The following KLHL6 variants were observed in gnomAD, a reference collection of about 807,000 sequenced individuals.
KLHL6 encodes the protein kelch-like protein 6.
Under a neutral mutation model 58.6 loss-of-function variants are expected in KLHL6, and 41 were observed. That is an observed-to-expected ratio of 0.70 (90% CI 0.55 to 0.91). KLHL6 has a LOEUF of 0.91. Among genes scored for constraint, KLHL6 ranks in the 40% least tolerant of loss-of-function variants. The probability of loss-of-function intolerance (pLI) is 0.00; values close to 1 mark genes in which losing one functional copy is unlikely to be tolerated. For missense variants in KLHL6, 714 were observed against 805.6 expected (o/e 0.89, Z 1.38); for synonymous variants, 338 against 322.7 (o/e 1.05, Z -0.51).
At chr3:183,500,389 G>A (rs1717838476) in intron 3 of KLHL6, among the ~76,000 whole-genome samples, 1 of 152,178 alleles carries the variant, frequency 6.6e-6, no homozygotes, top group African/African-American at 2.4e-5. Flanking sequence ...CCAACATACA[G>A]CATATGACCT....
chr3:183,511,956 C>T (rs1718200624), intron 2 of KLHL6, among the ~76,000 whole-genome samples: 1 of 152,230 alleles, frequency 6.6e-6, no homozygotes. Flanking sequence ...GGCCTGAATT[C>T]TGCCTCAGAA....
At chr3:183,498,111 G>A (rs139410760) in intron 4 of KLHL6, among the ~76,000 whole-genome samples, 21 of 152,226 alleles carry the variant, frequency 1.4e-4, no homozygotes, top group Non-Finnish European at 2.6e-4. Flanking sequence ...CCACGTGCCT[G>A]TAATCCCAGC....
intron 4 of KLHL6, among the ~76,000 whole-genome samples, chr3:183,498,679 A>G (rs1271477632): frequency 6.6e-6 from 1 of 152,220 alleles, no homozygotes; most frequent in Non-Finnish European, 1.5e-5. Context: ...GATGGTTGAG[A>G]CTGCGTCATT....
intron 5 of KLHL6, chr3:183,493,821 C>T (rs2108663205): frequency 2.0e-6 from 1 of 501,304 alleles, no homozygotes; most frequent in Non-Finnish European, 3.6e-6. Flanking sequence ...CCTCTGTGCA[C>T]ATCTGGGGTT....
At chr3:183,534,950 A>ATATATATATTT (rs1356557331) in intron 1 of KLHL6, among the ~76,000 whole-genome samples, 3 of 96,756 alleles carry the variant, frequency 3.1e-5, no homozygotes, top group African/African-American at 9.1e-5. Context: ...ATATATATAT[A>ATATATATATTT]TTTTTTTTTT....
In KLHL6 at chr3:183,508,599, G is replaced by A. The variant is rs534564098; in HGVS notation, c.460-91C>T. The A allele has an allele frequency of 2.3e-4, 250 of 1,077,620 alleles. 3 individuals carry two copies. The South Asian group carries it at 2.6e-3, about 11-fold the overall frequency. 66.8% of individuals were successfully genotyped at this position (1,077,620 alleles called of 1,614,324 possible). A position where few individuals can be genotyped will look rare whatever the true frequency, so the allele number is the denominator to read the frequency against. On this transcript the variant is annotated intron_variant, in intron 2 of 6. Transcript: ENST00000341319. The stretch of plus-strand genomic sequence containing the variant: ...GAGTTATGTGTATTAGCCAAAAATT[G>A]GAAACAACCTAAATGTCCAACAGTA...
At chr3:183,538,385 T>C (rs1196669479) in intron 1 of KLHL6, among the ~76,000 whole-genome samples, 10 of 152,126 alleles carry the variant, frequency 6.6e-5, no homozygotes, top group Admixed American at 2.0e-4. Context: ...CTACACCGGC[T>C]CCACCTGTCT....
chr3:183,522,564 T>C (rs910540118), intron 2 of KLHL6: 1 of 152,268 alleles, frequency 6.6e-6, no homozygotes, highest in Non-Finnish European at 1.5e-5. Flanking sequence ...TGGTGTTGAA[T>C]AGATATAATC....
intron 1 of KLHL6, among the ~76,000 whole-genome samples, chr3:183,534,933 CATATATATATATATAT>C (rs377650262): frequency 3.6e-5 from 5 of 137,854 alleles, no homozygotes; most frequent in Admixed American, 1.4e-4. Flanking sequence ...CATATATATA[CATATATATATATATAT>C]ATTTTTTTTT....
At position 183,490,200 on chromosome 3, in the gene KLHL6, A is replaced by G; in HGVS notation, c.*1727T>C. ...ATTGAGCTACACTGATCAAAAAACC[A>G]AGTAGAAGTGCTTTTTAAAAGTCTT... On this transcript the variant is annotated 3_prime_UTR_variant, in exon 7 of 7. Transcript: ENST00000341319. 6.6e-6 allele frequency: 1 copy of G among 152,168 alleles called. No individual in the cohort carries two copies. Among genetic ancestry groups the G allele is most frequent in the South Asian group, 2.1e-4 (1 of 4,822 alleles). The allele number at this position is 152,168 out of a possible 1,614,324, so 9.4% of individuals were successfully genotyped here.
At chr3:183,539,567 GGTGT>G (rs1560109005) in intron 1 of KLHL6, among the ~76,000 whole-genome samples, 4 of 151,962 alleles carry the variant, frequency 2.6e-5, no homozygotes, top group African/African-American at 9.7e-5. Context: ...AAATTAGCTC[GGTGT>G]GGTGGCGGGT....
chr3:183,530,476 A>T (rs1577195814), intron 1 of KLHL6, among the ~76,000 whole-genome samples: 1 of 152,222 alleles, frequency 6.6e-6, no homozygotes, highest in East Asian at 1.9e-4. Flanking sequence ...AGCTGCGGAT[A>T]CGTCTGAGCA....
At chr3:183,508,839 C>G (rs569249065) in intron 2 of KLHL6, among the ~76,000 whole-genome samples, 1 of 152,294 alleles carries the variant, frequency 6.6e-6, no homozygotes, top group East Asian at 1.9e-4. Flanking sequence ...TTCATTCATA[C>G]AGTCGATAGC....
At chr3:183,512,315 A>G (rs1001864077) in intron 2 of KLHL6, among the ~76,000 whole-genome samples, 6 of 152,240 alleles carry the variant, frequency 3.9e-5, no homozygotes, top group African/African-American at 1.4e-4. Context: ...GGGAGGCCAC[A>G]TAAGACCTGA....
chr3:183,514,777 T>C (rs956938984), intron 2 of KLHL6, among the ~76,000 whole-genome samples: 15 of 152,002 alleles, frequency 9.9e-5, no homozygotes, highest in African/African-American at 3.4e-4. Context: ...CAAGTGATTC[T>C]CCTGCCTCAG....
chr3:183,504,004 G>T (rs191932896), intron 3 of KLHL6, among the ~76,000 whole-genome samples: 1 of 152,278 alleles, frequency 6.6e-6, no homozygotes, highest in South Asian at 2.1e-4. Context: ...ATGGTGGCTG[G>T]TTGGTTGGTT....
rs1553811030 is a variant in KLHL6, at chr3:183,525,269, A to AACACACACACACAC, written c.459+2562_459+2575dup. Among the ~76,000 whole-genome samples the AACACACACACACAC allele has an allele frequency of 4.5e-5, 6 of 133,794 alleles. 1 individual carries two copies. The highest frequency in any genetic ancestry group is 2.4e-4 in the South Asian group (1 of 4,120). The allele number at this position is 133,794 out of a possible 152,430, so 87.8% of individuals were successfully genotyped here. On this transcript the variant is annotated intron_variant, in intron 2 of 6. Transcript: ENST00000341319. ...ACAGAGTGAGACTCTCTAAAAAAAA[A>AACACACACACACAC]ACACACACACACACACACACACACA...
intron 1 of KLHL6, chr3:183,548,617 A>G (rs1712804490): frequency 6.6e-6 from 1 of 152,230 alleles, no homozygotes; most frequent in Admixed American, 6.5e-5. Context: ...CAATCTATGC[A>G]CTTGTTAATC....
At chr3:183,528,918 C>T (rs1712067037) in intron 1 of KLHL6, among the ~76,000 whole-genome samples, 1 of 152,102 alleles carries the variant, frequency 6.6e-6, no homozygotes, top group East Asian at 1.9e-4. Context: ...CAGTGATAGA[C>T]TGGATAAAGA....
Sources: gnomAD v4.1 joint callset for allele counts (sites outside exome capture counted in the v4.1 genomes callset) on GRCh38, gnomAD v4.1.1 for gene constraint, MANE v1.5 for transcripts, NCBI Gene and HGNC (gene_info 2026-07-23, HGNC 2026-07-21) for gene names.